APLN: variants seen among roughly 807,000 people sequenced by gnomAD.
The protein encoded by APLN is AGTRL1 ligand.
APLN carries 2 observed loss-of-function variants against 4.3 expected under a neutral mutation model. That is an observed-to-expected ratio of 0.46 (90% confidence interval 0.19 to 1.45). APLN has a LOEUF of 1.45. Ranked by LOEUF, APLN falls within the 40% of genes most tolerant of loss-of-function variation. The pLI is 0.25. For synonymous variants in APLN, 34 were observed against 30.4 expected (o/e 1.12, Z -0.38); for missense variants, 80 against 70.0 (o/e 1.14, Z -0.51).
intron 1 of APLN, among the ~76,000 whole-genome samples, chrX:129,650,977 C>A (rs765374591): frequency 9.0e-6 from 1 of 111,679 alleles, no homozygotes; most frequent in Non-Finnish European, 1.9e-5. Flanking sequence ...AGGGATGGGG[C>A]AGTGGTGCAG....
chrX:129,648,182 C>T (rs1225697251), intron 2 of APLN, among the ~76,000 whole-genome samples: 1 of 111,629 alleles, frequency 9.0e-6, no homozygotes, highest in African/African-American at 3.3e-5. Context: ...CTCCGGGCAA[C>T]CACAGCCACA....
chrX:129,649,587 T>A (rs1392132408), intron 1 of APLN, among the ~76,000 whole-genome samples: 1 of 111,396 alleles, frequency 9.0e-6, no homozygotes, highest in Admixed American at 9.5e-5. Context: ...AATGAATAAA[T>A]GAAACAATGG....
rs70961724 is a variant in APLN, at chrX:129,646,199, A to AAGCAGCAGC, written c.*1715_*1723dup. 2.5e-5 allele frequency: 3 copies of AAGCAGCAGC among 122,302 alleles called. No individual in the cohort carries two copies. The highest frequency in any genetic ancestry group is 1.3e-3 in the Middle Eastern group (1 of 781). 10.1% of individuals were successfully genotyped at this position (122,302 alleles called of 1,213,427 possible). On this transcript the variant is annotated 3_prime_UTR_variant, in exon 3 of 3. Coordinates refer to ENST00000429967, the MANE Select transcript of APLN (RefSeq NM_017413.5). ...GTCCCCACTCCAAGCATGAGCCTTT[A>AAGCAGCAGC]AGCAGCAGCAGCAGCAGCAGCAGCG...
At position 129,652,901 on chromosome X, in the gene APLN, T is replaced by G. The variant is rs559762872; in HGVS notation, c.67+1663A>C. Among the ~76,000 whole-genome samples, 4 of 111,594 alleles carry G rather than the reference T, an allele frequency of 3.6e-5. No homozygotes were observed. In the South Asian group the frequency reaches 1.5e-3, roughly 42 times the overall value. On this transcript the variant is annotated intron_variant, in intron 1 of 2. Transcript: ENST00000429967. Reference sequence around the variant, plus strand: ...TGCAGATCCAGGAGCCCTACCTTCCTCTGGAACACTCTCTGCACCCAGTCT... The same window carrying G: ...TGCAGATCCAGGAGCCCTACCTTCCGCTGGAACACTCTCTGCACCCAGTCT...
Position 129,645,632 on chromosome X carries a change from G to C in APLN, c.*2291C>G, listed in dbSNP as rs1241756222. ...TTATGTGACCTGGTCATTAAGCATAGGGATTCATTTTGTGAGCTCATGGCA... is the reference window on the plus strand; with the variant it reads ...TTATGTGACCTGGTCATTAAGCATACGGATTCATTTTGTGAGCTCATGGCA... On this transcript the variant is annotated 3_prime_UTR_variant, in exon 3 of 3. Transcript: ENST00000429967. 8.9e-6 allele frequency: 1 copy of C among 112,386 alleles called. No homozygotes were observed. Among genetic ancestry groups the C allele is most frequent in the Non-Finnish European group, 1.9e-5 (1 of 53,210 alleles). 9.3% of individuals were successfully genotyped at this position (112,386 alleles called of 1,213,427 possible). A position where few individuals can be genotyped will look rare whatever the true frequency, so the allele number is the denominator to read the frequency against.
chrX:129,652,773 TC>T (rs1487985231), intron 1 of APLN, among the ~76,000 whole-genome samples: 3 of 111,920 alleles, frequency 2.7e-5, no homozygotes, highest in Admixed American at 9.4e-5. Flanking sequence ...ACCAGCTCTC[TC>T]CCCTTTGCTA....
chrX:129,654,525 C>G (rs1423313830), intron 1 of APLN, 39 bp downstream of exon 1: 5 of 1,132,000 alleles, frequency 4.4e-6, no homozygotes, highest in East Asian at 6.9e-5. Flanking sequence ...AAGGAGCACG[C>G]CGGCTGCAGC....
chrX:129,648,681 C>T lies in APLN; in HGVS notation c.179G>A (p.Arg60Lys). Residue 60 changes from arginine to lysine, a missense_variant, in exon 2 of 3, where the codon AGG becomes AAG. By Grantham distance (26) the Arg-to-Lys change is conservative. Coordinates refer to ENST00000429967, the MANE Select transcript of APLN (RefSeq NM_017413.5). ...NGPGPWQGGR[R>K]KFRRQRPRLS... is the part of the protein sequence containing the mutation. ...GCGGGGCCGCTGGCGGCGGAATTTCCTCCGACCTCCCTGCCAGGGCCCTGG... is the reference window on the plus strand; with the variant it reads ...GCGGGGCCGCTGGCGGCGGAATTTCTTCCGACCTCCCTGCCAGGGCCCTGG... 1 of 1,188,917 alleles carries T rather than the reference C, an allele frequency of 8.4e-7. No homozygotes were observed. The highest frequency in any genetic ancestry group is 1.1e-6 in the Non-Finnish European group (1 of 883,581).
chrX:129,647,431 T>C lies in APLN; in HGVS notation c.*492A>G. Reference sequence around the variant, plus strand: ...TCTGGATCCCCGCAGCCAGCACCTCTTAACTAGAGTCTCTCCTTGCTTTTC... The same window carrying C: ...TCTGGATCCCCGCAGCCAGCACCTCCTAACTAGAGTCTCTCCTTGCTTTTC... On this transcript the variant is annotated 3_prime_UTR_variant, in exon 3 of 3. Coordinates refer to ENST00000429967, the MANE Select transcript of APLN (RefSeq NM_017413.5). 1 of 313,073 alleles carries C rather than the reference T, an allele frequency of 3.2e-6. No homozygotes were observed. The highest frequency in any genetic ancestry group is 5.3e-6 in the Non-Finnish European group (1 of 187,582). The allele number at this position is 313,073 out of a possible 1,213,427, so 25.8% of individuals were successfully genotyped here.
Position 129,647,174 on chromosome X carries a change from A to T in APLN, c.*749T>A, listed in dbSNP as rs149368559. 81 of 133,853 alleles carry T rather than the reference A, an allele frequency of 6.1e-4. 1 individual carries two copies. In the East Asian group the frequency reaches 0.013, roughly 21 times the overall value. 11.0% of individuals were successfully genotyped at this position (133,853 alleles called of 1,213,427 possible). A position where few individuals can be genotyped will look rare whatever the true frequency, so the allele number is the denominator to read the frequency against. The stretch of plus-strand genomic sequence containing the variant: ...TTTACTCCTGGGAGGGTATATAGCC[A>T]TGTCAGGCCCAGCACCCTCCCCTCC... On this transcript the variant is annotated 3_prime_UTR_variant, in exon 3 of 3. Transcript: ENST00000429967.
chrX:129,646,196 T>C lies in APLN; in HGVS notation c.*1727A>G. The C allele has an allele frequency of 9.1e-6, 1 of 110,403 alleles. No homozygotes were observed. The highest frequency in any genetic ancestry group is 1.7e-5 in the Non-Finnish European group (1 of 59,097). The allele number at this position is 110,403 out of a possible 1,213,427, so 9.1% of individuals were successfully genotyped here. Reference sequence around the variant, plus strand: ...CCAGTCCCCACTCCAAGCATGAGCCTTTAAGCAGCAGCAGCAGCAGCAGCA... The same window carrying C: ...CCAGTCCCCACTCCAAGCATGAGCCCTTAAGCAGCAGCAGCAGCAGCAGCA... On this transcript the variant is annotated 3_prime_UTR_variant, in exon 3 of 3. Transcript: ENST00000429967.
intron 1 of APLN, among the ~76,000 whole-genome samples, chrX:129,651,840 T>TGCTG (rs2033077443): frequency 1.8e-5 from 2 of 112,096 alleles, no homozygotes; most frequent in African/African-American, 6.5e-5. Context: ...GTGGGGACCC[T>TGCTG]GCTGGCAATG....
chrX:129,654,812 T>C lies in APLN; in HGVS notation c.-182A>G, dbSNP rs1022029100. 1.4e-5 allele frequency: 3 copies of C among 219,470 alleles called. No individual in the cohort carries two copies. The highest frequency in any genetic ancestry group is 8.9e-5 in the African/African-American group (3 of 33,663). The allele number at this position is 219,470 out of a possible 1,213,427, so 18.1% of individuals were successfully genotyped here. On this transcript the variant is annotated 5_prime_UTR_variant, in exon 1 of 3. Coordinates refer to ENST00000429967, the MANE Select transcript of APLN (RefSeq NM_017413.5). Reference sequence around the variant, plus strand: ...CTCCCGCTGGCCGCCTCCGCTCTTCTGCAGCCTCCTCTCCCGCCGCGGGGC... The same window carrying C: ...CTCCCGCTGGCCGCCTCCGCTCTTCCGCAGCCTCCTCTCCCGCCGCGGGGC...
rs1017182581 is a variant in APLN, at chrX:129,645,379, T to C, written c.*2544A>G. On this transcript the variant is annotated 3_prime_UTR_variant, in exon 3 of 3. Transcript: ENST00000429967. ...TCAAATGTATTTATTGCTGAAAACA[T>C]AACATTTTTCAAGAAAGGCAAACTG... 1 of 112,591 alleles carries C rather than the reference T, an allele frequency of 8.9e-6. No homozygotes were observed. The highest frequency in any genetic ancestry group is 1.9e-5 in the Non-Finnish European group (1 of 53,365). The allele number at this position is 112,591 out of a possible 1,213,427, so 9.3% of individuals were successfully genotyped here.
Position 129,647,702 on chromosome X carries a change from G to A in APLN, c.*221C>T. Reference sequence around the variant, plus strand: ...CAGTCCAGGGAGGGGCCAGGAAGATGGACTGGACGGATTCTTGTGAGAGAA... The same window carrying A: ...CAGTCCAGGGAGGGGCCAGGAAGATAGACTGGACGGATTCTTGTGAGAGAA... On this transcript the variant is annotated 3_prime_UTR_variant, in exon 3 of 3. Transcript: ENST00000429967. 2.0e-6 allele frequency: 2 copies of A among 982,927 alleles called. No homozygotes were observed. The highest frequency in any genetic ancestry group is 2.6e-6 in the Non-Finnish European group (2 of 756,137). The allele number at this position is 982,927 out of a possible 1,213,427, so 81.0% of individuals were successfully genotyped here.
Position 129,647,618 on chromosome X carries a change from A to G in APLN, c.*305T>C. 2.0e-6 allele frequency: 2 copies of G among 979,878 alleles called. No homozygotes were observed. Among genetic ancestry groups the G allele is most frequent in the African/African-American group, 2.0e-5 (1 of 50,566 alleles). The allele number at this position is 979,878 out of a possible 1,213,427, so 80.8% of individuals were successfully genotyped here. A position where few individuals can be genotyped will look rare whatever the true frequency, so the allele number is the denominator to read the frequency against. On this transcript the variant is annotated 3_prime_UTR_variant, in exon 3 of 3. Coordinates refer to ENST00000429967, the MANE Select transcript of APLN (RefSeq NM_017413.5). Reference sequence around the variant, plus strand: ...GGGGCGTTAGATGAGACAGGCAGGGACTAGGGCGGAGGGGACCTGGAGAAG... The same window carrying G: ...GGGGCGTTAGATGAGACAGGCAGGGGCTAGGGCGGAGGGGACCTGGAGAAG...
chrX:129,649,270 T>G (rs925669468), intron 1 of APLN, among the ~76,000 whole-genome samples: 1 of 112,346 alleles, frequency 8.9e-6, no homozygotes, highest in African/African-American at 3.2e-5. Context: ...TATGCTTTAG[T>G]TATCCCTTTT....
chrX:129,650,619 C>T (rs184156277), intron 1 of APLN, among the ~76,000 whole-genome samples: 185 of 112,494 alleles, frequency 1.6e-3, no homozygotes, highest in African/African-American at 5.6e-3. Context: ...AAATTCATAA[C>T]CTATGAGAAT....
chrX:129,647,891 G>A lies in APLN; in HGVS notation c.*32C>T, dbSNP rs1272061235. The A allele has an allele frequency of 2.0e-6, 2 of 983,248 alleles. No homozygotes were observed. The highest frequency in any genetic ancestry group is 2.6e-6 in the Non-Finnish European group (2 of 756,166). 81.0% of individuals were successfully genotyped at this position (983,248 alleles called of 1,213,427 possible). ...CTATGGAGGAGACATAACCGCCGGG[G>A]GTGGGCACTTGGGGGCCCCTTCAGT... On this transcript the variant is annotated 3_prime_UTR_variant, in exon 3 of 3. Coordinates refer to ENST00000429967, the MANE Select transcript of APLN (RefSeq NM_017413.5).
Sources: allele counts gnomAD v4.1 joint callset (sites outside exome capture counted in the v4.1 genomes callset), GRCh38; gene constraint gnomAD v4.1.1; transcripts MANE v1.5; gene names NCBI Gene and HGNC (gene_info 2026-07-23, HGNC 2026-07-21).